C11orf65: variants seen among roughly 807,000 people sequenced by gnomAD.
The protein encoded by C11orf65 is protein MFI.
In C11orf65, 38 loss-of-function variants were observed where a neutral mutation model predicts 35.3. That is an observed-to-expected ratio of 1.08 (90% CI 0.83 to 1.41). The LOEUF (loss-of-function observed/expected upper bound fraction) is 1.41, where lower values mean the gene tolerates loss of function less well. Among genes scored for constraint, C11orf65 ranks in the 40% most tolerant of loss-of-function variants. The probability of loss-of-function intolerance (pLI) is 0.00; values close to 1 mark genes in which losing one functional copy is unlikely to be tolerated. For synonymous variants in C11orf65, 105 were observed against 114.4 expected, an observed-to-expected ratio of 0.92 and a Z score of 0.53; for missense variants, 370 against 367.1, an observed-to-expected ratio of 1.01 and a Z score of -0.06.
intron 2 of C11orf65, among the ~76,000 whole-genome samples, chr11:108,346,283 CAT>C (rs2088380259): frequency 6.6e-6 from 1 of 151,948 alleles, no homozygotes; most frequent in African/African-American, 2.4e-5. Flanking sequence ...TGTTCTTTTG[CAT>C]ATAACCTCTA....
chr11:108,362,599 C>T (rs1252406729), intron 2 of C11orf65, among the ~76,000 whole-genome samples: 1 of 149,620 alleles, frequency 6.7e-6, no homozygotes, highest in Non-Finnish European at 1.5e-5. Context: ...CACATATACA[C>T]CATGGAATAC....
At position 108,365,552 on chromosome 11, in the gene C11orf65, A is replaced by G. The variant is rs55900855; in HGVS notation, c.226+27656T>C. ...CCCTTTCATTCAGCCTTTAGAAATT[A>G]TATTTTAGCCTTTATTTTTAACCTG... On this transcript the variant is annotated intron_variant, in intron 2 of 3. Coordinates refer to the C11orf65 transcript ENST00000524755. The G allele has an allele frequency of 1.6e-3, 2,591 of 1,590,728 alleles. 16 individuals are homozygous for G. In the African/African-American group the frequency reaches 0.018, roughly 11 times the overall value.
intron 3 of C11orf65, among the ~76,000 whole-genome samples, chr11:108,426,318 A>G (rs996106356): frequency 1.3e-5 from 2 of 152,184 alleles, no homozygotes; most frequent in African/African-American, 4.8e-5. Flanking sequence ...CACACAATCA[A>G]TCTGCAAAAA....
At chr11:108,450,338 G>C (rs1049580574) in intron 2 of C11orf65, among the ~76,000 whole-genome samples, 1 of 151,598 alleles carries the variant, frequency 6.6e-6, no homozygotes. Flanking sequence ...TGTTTATTGC[G>C]GCACTATTCA....
intron 3 of C11orf65, chr11:108,331,702 C>T: frequency 1.5e-6 from 2 of 1,318,080 alleles, no homozygotes; most frequent in Non-Finnish European, 2.1e-6. Flanking sequence ...ATAAGTTACT[C>T]ATTTTCTCTC....
At position 108,326,186 on chromosome 11, in the gene C11orf65, C is replaced by T. The variant is rs1555119992; in HGVS notation, c.641-17115G>A. On this transcript the variant is annotated intron_variant, in intron 6 of 6. Coordinates refer to the C11orf65 transcript ENST00000525729. ...AGCAGAGTCTTGCCCTGAGTATTCT[C>T]AAGCAAATGATCAAGAAGTTGGATG... 2 of 1,613,892 alleles carry T rather than the reference C, an allele frequency of 1.2e-6. No homozygotes were observed. Among genetic ancestry groups the T allele is most frequent in the Non-Finnish European group, 1.7e-6 (2 of 1,180,000 alleles).
chr11:108,335,641 G>C (rs371032532), intron 2 of C11orf65, among the ~76,000 whole-genome samples: 2 of 152,108 alleles, frequency 1.3e-5, no homozygotes, highest in Non-Finnish European at 2.9e-5. Flanking sequence ...CAGAAGTAGC[G>C]AGGGGAAACT....
At position 108,351,475 on chromosome 11, in the gene C11orf65, T is replaced by C. The variant is rs977832495; in HGVS notation, c.227-16183A>G. Among the ~76,000 whole-genome samples, 4 of 152,258 alleles carry C rather than the reference T, an allele frequency of 2.6e-5. No homozygotes were observed. In the East Asian group the frequency reaches 7.7e-4, roughly 29 times the overall value. On this transcript the variant is annotated intron_variant, in intron 2 of 3. Transcript: ENST00000524755. ...ATTTATTATTATCTCTCATAGTCTG[T>C]TGACTGGGCTCAGCTGGACAGTTTT...
chr11:108,330,651 G>A (rs2086157516), downstream of C11orf65, among the ~76,000 whole-genome samples: 1 of 152,198 alleles, frequency 6.6e-6, no homozygotes, highest in Non-Finnish European at 1.5e-5. Context: ...CTGACAAGCT[G>A]TAAATGATGC....
At chr11:108,337,688 TC>T (rs1208853670) in intron 2 of C11orf65, among the ~76,000 whole-genome samples, 1 of 152,210 alleles carries the variant, frequency 6.6e-6, no homozygotes, top group Non-Finnish European at 1.5e-5. Context: ...CTATTAGCTA[TC>T]TCCTATCTGA....
At chr11:108,380,424 G>A (rs1338315907), downstream of C11orf65, among the ~76,000 whole-genome samples, 2 of 152,178 alleles carry the variant, frequency 1.3e-5, no homozygotes, top group Admixed American at 6.5e-5. Context: ...GGAAATCTGG[G>A]AAATGTCATA....
At chr11:108,332,393 T>C (rs2086357693) in intron 3 of C11orf65, among the ~76,000 whole-genome samples, 2 of 152,030 alleles carry the variant, frequency 1.3e-5, no homozygotes, top group Non-Finnish European at 1.5e-5. Flanking sequence ...GGTTGCGCCA[T>C]TGCACTCCAG....
At chr11:108,364,891 T>C (rs2091171692) in intron 2 of C11orf65, among the ~76,000 whole-genome samples, 1 of 152,178 alleles carries the variant, frequency 6.6e-6, no homozygotes, top group South Asian at 2.1e-4. Context: ...GAATTCAGAA[T>C]GAAATGAGAA....
At chr11:108,469,237 A>AT (rs2093563131), upstream of C11orf65, among the ~76,000 whole-genome samples, 1 of 151,806 alleles carries the variant, frequency 6.6e-6, no homozygotes, top group Non-Finnish European at 1.5e-5. Flanking sequence ...AATTAAATTC[A>AT]AAATTACACA....
At chr11:108,428,651 G>A (rs572624747) in intron 3 of C11orf65, among the ~76,000 whole-genome samples, 1 of 152,220 alleles carries the variant, frequency 6.6e-6, no homozygotes, top group East Asian at 1.9e-4. Flanking sequence ...TCACATACTG[G>A]GGTCTGTAGA....
At chr11:108,367,027 A>G (rs901595023) in intron 2 of C11orf65, 8 of 189,046 alleles carry the variant, frequency 4.2e-5, no homozygotes, top group African/African-American at 1.9e-4. Context: ...TTGCTCTGTC[A>G]CCCAGGCTGG....
chr11:108,460,843 A>G (rs1404589976), intron 2 of C11orf65, among the ~76,000 whole-genome samples: 1 of 151,986 alleles, frequency 6.6e-6, no homozygotes, highest in Admixed American at 6.6e-5. Flanking sequence ...CTTCTGCCTC[A>G]GCCTCCCGTG....
At chr11:108,368,764 CCAAAGTGTTTACCTAAT>C (rs1444367655) in intron 2 of C11orf65, 1 of 211,272 alleles carries the variant, frequency 4.7e-6, no homozygotes, top group Non-Finnish European at 9.6e-6. Context: ...TCATACCTCC[CCAAAGTGTTTACCTAAT>C]CAGTAGGTTC....
rs863224298 is a variant in C11orf65 at position 108,331,548 on chromosome 11, C to T, written c.*2G>A. On this transcript the variant is annotated 3_prime_UTR_variant, in exon 4 of 4. Transcript: ENST00000524755. ...TGGGAGGCCTAGGATTTCATGAAGTCCTCAATAATGTAAGTAAACCTGAAA... is the reference window on the plus strand; with the variant it reads ...TGGGAGGCCTAGGATTTCATGAAGTTCTCAATAATGTAAGTAAACCTGAAA... The T allele has an allele frequency of 5.0e-6, 8 of 1,610,768 alleles. No individual in the cohort carries two copies. The highest frequency in any genetic ancestry group is 6.8e-6 in the Non-Finnish European group (8 of 1,178,798).
Sources: gnomAD v4.1 joint callset for allele counts (sites outside exome capture counted in the v4.1 genomes callset) on GRCh38, gnomAD v4.1.1 for gene constraint, MANE v1.5 for transcripts, NCBI Gene and HGNC (gene_info 2026-07-23, HGNC 2026-07-21) for gene names.